Variants in FMN1 observed in about 807,000 individuals in gnomAD.
The protein encoded by FMN1 is formin-1.
FMN1 carries 110 observed loss-of-function variants against 132.4 expected under a neutral mutation model. The observed-to-expected ratio is 0.83, with a 90% CI of 0.71 to 0.97. The LOEUF (loss-of-function observed/expected upper bound fraction) is 0.97. FMN1 is among the 50% of genes least tolerant of loss of function. FMN1 has a pLI of 0.00. For synonymous variants in FMN1, 722 were observed against 651.7 expected (o/e 1.11, Z -1.64); for missense variants, 1,792 against 1,705.3 (o/e 1.05, Z -0.90).
chr15:32,962,563 A>G (rs956666299), intron 9 of FMN1, among the ~76,000 whole-genome samples: 1 of 151,054 alleles, frequency 6.6e-6, no homozygotes, highest in African/African-American at 2.5e-5. Context: ...GCAACCTACA[A>G]AATGGGAGAA....
chr15:32,986,659 A>G (rs964578457), intron 7 of FMN1, among the ~76,000 whole-genome samples: 3 of 152,152 alleles, frequency 2.0e-5, no homozygotes, highest in African/African-American at 7.2e-5. Context: ...ATGTTTAATG[A>G]TACTTGGAAC....
At chr15:32,914,574 T>G (rs533161610) in intron 10 of FMN1, among the ~76,000 whole-genome samples, 1 of 152,168 alleles carries the variant, frequency 6.6e-6, no homozygotes, top group Non-Finnish European at 1.5e-5. Flanking sequence ...TGAGCAGTTA[T>G]GAATGGAGGA....
intron 17 of FMN1, among the ~76,000 whole-genome samples, chr15:32,846,315 T>A (rs1567262252): frequency 6.6e-6 from 1 of 151,928 alleles, no homozygotes; most frequent in African/African-American, 2.4e-5. Flanking sequence ...TGGGAGAAAA[T>A]TTTTGCAATC....
At chr15:32,915,605 A>T (rs11854342) in intron 10 of FMN1, among the ~76,000 whole-genome samples, 84 of 152,366 alleles carry the variant, frequency 5.5e-4, no homozygotes, top group African/African-American at 1.8e-3. Context: ...AAGCCTATGC[A>T]ATTTTACAGC....
chr15:33,169,011 T>G (rs1965215907), intron 3 of FMN1, among the ~76,000 whole-genome samples: 1 of 152,186 alleles, frequency 6.6e-6, no homozygotes, highest in African/African-American at 2.4e-5. Context: ...ATTTCGATAC[T>G]TTATACAAAA....
At chr15:32,927,508 C>G (rs960581148) in intron 9 of FMN1, among the ~76,000 whole-genome samples, 3 of 152,210 alleles carry the variant, frequency 2.0e-5, no homozygotes, top group African/African-American at 7.2e-5. Flanking sequence ...ATCCTCCCAC[C>G]TTGGTCTCCC....
chr15:33,009,805 A>G (rs1002553887), intron 6 of FMN1, among the ~76,000 whole-genome samples: 4 of 152,250 alleles, frequency 2.6e-5, no homozygotes, highest in African/African-American at 9.6e-5. Flanking sequence ...GGGTGAATGC[A>G]TAAACAAATG....
chr15:33,115,339 G>A (rs1317400657), intron 4 of FMN1, among the ~76,000 whole-genome samples: 1 of 152,092 alleles, frequency 6.6e-6, no homozygotes, highest in African/African-American at 2.4e-5. Flanking sequence ...AGTCAAATCA[G>A]AAGAAACATG....
intron 7 of FMN1, among the ~76,000 whole-genome samples, chr15:32,975,597 T>G (rs2032138489): frequency 6.6e-6 from 1 of 152,222 alleles, no homozygotes; most frequent in African/African-American, 2.4e-5. Context: ...TGTTACTTGC[T>G]CCGCTTTTGG....
intron 5 of FMN1, among the ~76,000 whole-genome samples, chr15:33,087,273 G>A (rs941865861): frequency 7.9e-5 from 12 of 152,240 alleles, no homozygotes; most frequent in Admixed American, 2.0e-4. Context: ...GTAGCTGGAT[G>A]TGGTGGCTCA....
intron 16 of FMN1, among the ~76,000 whole-genome samples, chr15:32,881,940 T>TAG (rs2059781393): frequency 6.6e-6 from 1 of 152,190 alleles, no homozygotes; most frequent in Non-Finnish European, 1.5e-5. Flanking sequence ...ATTAGTTCAG[T>TAG]TAGCCACATC....
intron 7 of FMN1, among the ~76,000 whole-genome samples, chr15:32,997,358 A>T (rs2033834578): frequency 6.6e-6 from 1 of 150,660 alleles, no homozygotes; most frequent in African/African-American, 2.4e-5. Context: ...GAACTTGTGC[A>T]GATCATCCTT....
intron 4 of FMN1, among the ~76,000 whole-genome samples, chr15:33,123,101 G>C (rs1443673356): frequency 6.6e-6 from 1 of 150,940 alleles, no homozygotes; most frequent in Non-Finnish European, 1.5e-5. Context: ...GAATCATCTA[G>C]AATGCCTTTC....
intron 6 of FMN1, among the ~76,000 whole-genome samples, chr15:33,053,792 T>C (rs1278068112): frequency 6.6e-6 from 1 of 152,224 alleles, no homozygotes; most frequent in Non-Finnish European, 1.5e-5. Flanking sequence ...TCTCTGCCCC[T>C]GTGGAGCTGA....
chr15:33,172,415 G>T (rs899905029), intron 3 of FMN1, among the ~76,000 whole-genome samples: 5 of 152,134 alleles, frequency 3.3e-5, no homozygotes, highest in African/African-American at 1.2e-4. Context: ...TCTGGAGGAG[G>T]AATAGCAAGA....
intron 15 of FMN1, among the ~76,000 whole-genome samples, chr15:32,897,392 A>C (rs1195594325): frequency 3.3e-5 from 5 of 152,190 alleles, no homozygotes; most frequent in Non-Finnish European, 7.4e-5. Flanking sequence ...TGTTACTGGG[A>C]GACTTTTTCC....
intron 16 of FMN1, among the ~76,000 whole-genome samples, chr15:32,864,268 G>C (rs1172734835): frequency 6.6e-6 from 1 of 152,144 alleles, no homozygotes; most frequent in African/African-American, 2.4e-5. Context: ...ATCTTGGCAG[G>C]GTTAAGAGTA....
At chr15:32,779,769 G>A (rs540088073) in intron 19 of FMN1, among the ~76,000 whole-genome samples, 1 of 152,174 alleles carries the variant, frequency 6.6e-6, no homozygotes, top group Non-Finnish European at 1.5e-5. Context: ...CTGTGAGATA[G>A]GAACTTCTAC....
chr15:33,047,599 C>T (rs141651938), intron 6 of FMN1, among the ~76,000 whole-genome samples: 3 of 152,140 alleles, frequency 2.0e-5, no homozygotes, highest in Admixed American at 6.5e-5. Flanking sequence ...GCAAATAGAT[C>T]CCTCTCGAAA....
Sources: allele counts gnomAD v4.1 joint callset (sites outside exome capture counted in the v4.1 genomes callset), GRCh38; gene constraint gnomAD v4.1.1; transcripts MANE v1.5; gene names NCBI Gene and HGNC (gene_info 2026-07-23, HGNC 2026-07-21).